The following ABI3BP variants were observed in gnomAD, a reference collection of about 807,000 sequenced individuals.
ABI3BP encodes the protein target of Nesh-SH3.
A neutral mutation model predicts 268.6 loss-of-function variants in ABI3BP; 216 were observed. That is an observed-to-expected ratio of 0.80 (90% CI 0.72 to 0.90). The LOEUF (loss-of-function observed/expected upper bound fraction) is 0.90, where lower values mean the gene tolerates loss of function less well. Ranked by LOEUF, ABI3BP falls within the 40% of genes least tolerant of loss-of-function variation. The pLI is 0.00. For synonymous variants in ABI3BP, 730 were observed against 730.0 expected (o/e 1.00, Z 0.00); for missense variants, 2,090 against 2,182.4 (o/e 0.96, Z 0.84).
intron 4 of ABI3BP, among the ~76,000 whole-genome samples, chr3:100,887,442 G>A (rs1394918306): frequency 6.6e-6 from 1 of 151,950 alleles, no homozygotes; most frequent in African/African-American, 2.4e-5. Context: ...ATACTGAAAG[G>A]ATACAACATT....
At chr3:100,787,587 A>C in intron 57 of ABI3BP, 141 bp downstream of exon 57, 1 of 655,778 alleles carries the variant, frequency 1.5e-6, no homozygotes, top group South Asian at 3.5e-5. Context: ...GGAATGAGTT[A>C]TAATTTTCAG....
chr3:100,866,186 T>C (rs143068622), intron 10 of ABI3BP, among the ~76,000 whole-genome samples: 2 of 152,252 alleles, frequency 1.3e-5, no homozygotes, highest in African/African-American at 2.4e-5. Flanking sequence ...TAAATATAGA[T>C]TGTGGGAAAT....
chr3:100,876,624 G>T, intron 6 of ABI3BP, 64 bp from the exon 7 acceptor site: 1 of 1,451,910 alleles, frequency 6.9e-7, no homozygotes, highest in Non-Finnish European at 9.6e-7. Flanking sequence ...TCTTTAAAAC[G>T]TTCGGAGAAC....
chr3:100,955,913 C>A (rs2076655601), intron 1 of ABI3BP, among the ~76,000 whole-genome samples: 1 of 152,038 alleles, frequency 6.6e-6, no homozygotes, highest in African/African-American at 2.4e-5. Flanking sequence ...TGAGGCCAGG[C>A]ATGGGGGCTC....
intron 1 of ABI3BP, among the ~76,000 whole-genome samples, chr3:100,950,070 T>C (rs1006369715): frequency 1.3e-5 from 2 of 152,212 alleles, no homozygotes; most frequent in Non-Finnish European, 2.9e-5. Context: ...GGGTTGTTTT[T>C]GATCTGACTT....
In ABI3BP at chr3:100,832,320, C is replaced by A. The variant is rs1046825653; in HGVS notation, c.2345G>T (p.Arg782Leu). Reference sequence around the variant, plus strand: ...CGTGGTTTTAGGTTTGGGATGTGGACGACGGGTTCTTTTTGTTGTTGTTGT... The same window carrying A: ...CGTGGTTTTAGGTTTGGGATGTGGAAGACGGGTTCTTTTTGTTGTTGTTGT... ...APTTTTKRTR[R>L]PHPKPKTTPH... The change falls in exon 31 of 68, where the codon CGT becomes CTT. Residue 782 changes from arginine (R) to leucine (L), a missense_variant. Transcript: ENST00000471714. 4 of 1,535,016 alleles carry A rather than the reference C, an allele frequency of 2.6e-6. No individual in the cohort carries two copies. Among genetic ancestry groups the A allele is most frequent in the Non-Finnish European group, 3.5e-6 (4 of 1,146,514 alleles).
intron 2 of ABI3BP, among the ~76,000 whole-genome samples, chr3:100,910,761 G>A (rs951083345): frequency 6.6e-6 from 1 of 152,110 alleles, no homozygotes; most frequent in Non-Finnish European, 1.5e-5. Flanking sequence ...TGAAATAAAA[G>A]CATCTGATGT....
chr3:100,959,059 CA>C (rs1213064698), intron 1 of ABI3BP, among the ~76,000 whole-genome samples: 11 of 152,252 alleles, frequency 7.2e-5, no homozygotes, highest in African/African-American at 2.6e-4. Context: ...AGATCCGCTG[CA>C]GCCAGAATAA....
At chr3:100,828,515 C>T in intron 33 of ABI3BP, 63 bp from the exon 34 acceptor site, 2 of 1,411,068 alleles carry the variant, frequency 1.4e-6, no homozygotes, top group South Asian at 2.5e-5. Flanking sequence ...AAACTCAGAA[C>T]ATTCAAAAAG....
At chr3:100,916,695 AT>A (rs1184228286) in intron 2 of ABI3BP, among the ~76,000 whole-genome samples, 3 of 152,220 alleles carry the variant, frequency 2.0e-5, no homozygotes, top group Admixed American at 2.0e-4. Flanking sequence ...CCACTCCAGC[AT>A]TTGACCATCT....
chr3:100,951,293 G>C (rs2074877865), intron 1 of ABI3BP, among the ~76,000 whole-genome samples: 1 of 151,774 alleles, frequency 6.6e-6, no homozygotes, highest in Admixed American at 6.6e-5. Flanking sequence ...ATTTTACTCT[G>C]TGACACAGTG....
chr3:100,988,848 T>A (rs2092436539), intron 1 of ABI3BP, among the ~76,000 whole-genome samples: 2 of 152,192 alleles, frequency 1.3e-5, no homozygotes, highest in African/African-American at 2.4e-5. Context: ...TAATATTGCA[T>A]CAAAATTAAA....
At chr3:100,912,606 T>C (rs1362928777) in intron 2 of ABI3BP, among the ~76,000 whole-genome samples, 1 of 152,198 alleles carries the variant, frequency 6.6e-6, no homozygotes, top group African/African-American at 2.4e-5. Flanking sequence ...GATTCTGATT[T>C]GCATCTGTAA....
intron 2 of ABI3BP, among the ~76,000 whole-genome samples, chr3:100,921,374 A>G (rs908287667): frequency 6.6e-6 from 1 of 152,234 alleles, no homozygotes; most frequent in Non-Finnish European, 1.5e-5. Context: ...ACAGAACATC[A>G]TTAAGTATGA....
chr3:100,923,136 A>T (rs2060807181), intron 2 of ABI3BP, among the ~76,000 whole-genome samples: 1 of 152,226 alleles, frequency 6.6e-6, no homozygotes, highest in Non-Finnish European at 1.5e-5. Flanking sequence ...TAAGAGTTTT[A>T]AAAATAATTG....
chr3:100,894,946 A>AAAAAAAAAAAAAAAAAAAAAAAAAAAAC (rs2046718907), intron 4 of ABI3BP, among the ~76,000 whole-genome samples: 1 of 104,482 alleles, frequency 9.6e-6, no homozygotes, highest in Non-Finnish European at 2.5e-5. Context: ...TTCAAAAAAA[A>AAAAAAAAAAAAAAAAAAAAAAAAAAAAC]AAAAAAAAAA....
intron 2 of ABI3BP, among the ~76,000 whole-genome samples, chr3:100,912,444 C>A: frequency 6.6e-6 from 1 of 151,940 alleles, no homozygotes. Flanking sequence ...GACTGATTTG[C>A]AGTAGAAAAT....
intron 1 of ABI3BP, among the ~76,000 whole-genome samples, chr3:100,956,306 A>G (rs755374291): frequency 2.0e-5 from 3 of 151,444 alleles, no homozygotes; most frequent in South Asian, 4.2e-4. Flanking sequence ...CTGTTTCTTG[A>G]TATCTGATTC....
intron 63 of ABI3BP, among the ~76,000 whole-genome samples, 186 bp from the exon 64 acceptor site, chr3:100,754,877 C>A (rs978478434): frequency 2.0e-5 from 3 of 152,118 alleles, no homozygotes; most frequent in African/African-American, 7.2e-5. Context: ...ATCTGAACAG[C>A]TTGTCTAATG....
Sources: gnomAD v4.1 joint callset for allele counts (sites outside exome capture counted in the v4.1 genomes callset) on GRCh38, gnomAD v4.1.1 for gene constraint, MANE v1.5 for transcripts, NCBI Gene and HGNC (gene_info 2026-07-23, HGNC 2026-07-21) for gene names.